The following RNGTT variants were observed in gnomAD, a reference collection of about 807,000 sequenced individuals.
RNGTT encodes RNA guanylyltransferase and 5'-phosphatase, also known as mRNA-capping enzyme.
A neutral mutation model predicts 79.3 loss-of-function variants in RNGTT; 33 were observed. The observed-to-expected ratio is 0.42, with a 90% CI of 0.32 to 0.56. RNGTT has a LOEUF of 0.56. Ranked by LOEUF, RNGTT falls within the 20% of genes least tolerant of loss-of-function variation. The pLI, the probability that RNGTT is intolerant of heterozygous loss-of-function variation, is 0.17. For synonymous variants in RNGTT, 222 were observed against 235.9 expected (o/e 0.94, Z 0.54); for missense variants, 497 against 739.1 (o/e 0.67, Z 3.80).
intron 14 of RNGTT, among the ~76,000 whole-genome samples, chr6:88,628,301 A>G (rs1161957015): frequency 6.6e-6 from 1 of 152,138 alleles, no homozygotes; most frequent in Non-Finnish European, 1.5e-5. Context: ...TAAAACCCAA[A>G]AACACCACAA....
At chr6:88,884,046 G>A (rs546265831) in intron 8 of RNGTT, among the ~76,000 whole-genome samples, 1 of 152,276 alleles carries the variant, frequency 6.6e-6, no homozygotes, top group African/African-American at 2.4e-5. Context: ...AACTGCCTGT[G>A]GGAATACAAT....
intron 11 of RNGTT, among the ~76,000 whole-genome samples, chr6:88,812,001 G>T (rs1233013325): frequency 6.6e-6 from 1 of 152,054 alleles, no homozygotes; most frequent in African/African-American, 2.4e-5. Flanking sequence ...TTCTAGTTCA[G>T]GTTAGGATTA....
chr6:88,804,678 A>G (rs1335682199), intron 11 of RNGTT, among the ~76,000 whole-genome samples: 1 of 152,144 alleles, frequency 6.6e-6, no homozygotes, highest in African/African-American at 2.4e-5. Flanking sequence ...TAATGTGTTT[A>G]TTAAATTAGA....
chr6:88,680,457 A>G (rs535089986), intron 13 of RNGTT, among the ~76,000 whole-genome samples: 1 of 152,204 alleles, frequency 6.6e-6, no homozygotes, highest in South Asian at 2.1e-4. Flanking sequence ...ATAAGAGCCT[A>G]CAGGCCAGGC....
chr6:88,930,400 T>A (rs566829119), intron 2 of RNGTT, among the ~76,000 whole-genome samples: 1 of 152,038 alleles, frequency 6.6e-6, no homozygotes, highest in African/African-American at 2.4e-5. Context: ...CCAGACACAG[T>A]GGCTCACGCC....
At chr6:88,631,645 A>G (rs1285720094) in intron 14 of RNGTT, among the ~76,000 whole-genome samples, 4 of 150,228 alleles carry the variant, frequency 2.7e-5, no homozygotes, top group East Asian at 1.9e-4. Context: ...TCTCAACTCT[A>G]CATTTTTTTT....
rs183762384 is a variant in RNGTT, at chr6:88,629,963, A to G, written c.1507-15568T>C. On this transcript the variant is annotated intron_variant, in intron 14 of 15. Coordinates refer to ENST00000369485, the MANE Select transcript of RNGTT (RefSeq NM_003800.5). Reference sequence around the variant, plus strand: ...ATTAAGTCAGCTCAACTCCCTGACTATAAGAAATCACCATGTGAGTCTTTG... The same window carrying G: ...ATTAAGTCAGCTCAACTCCCTGACTGTAAGAAATCACCATGTGAGTCTTTG... Among the ~76,000 whole-genome samples, 531 of 152,264 alleles carry G rather than the reference A, an allele frequency of 3.5e-3. 3 individuals are homozygous for G. The highest frequency in any genetic ancestry group is 0.012 in the African/African-American group (502 of 41,570).
intron 13 of RNGTT, among the ~76,000 whole-genome samples, chr6:88,752,668 G>A (rs1777878640): frequency 6.6e-6 from 1 of 152,012 alleles, no homozygotes; most frequent in Non-Finnish European, 1.5e-5. Context: ...AGACAAATAT[G>A]TTTTTAGAAG....
chr6:88,654,111 C>T (rs1487767155), intron 14 of RNGTT, among the ~76,000 whole-genome samples: 1 of 152,184 alleles, frequency 6.6e-6, no homozygotes, highest in African/African-American at 2.4e-5. Flanking sequence ...TTGCTCGACA[C>T]TCAGCAGTAA....
At chr6:88,732,335 G>T (rs779618890) in intron 13 of RNGTT, among the ~76,000 whole-genome samples, 20 of 152,140 alleles carry the variant, frequency 1.3e-4, no homozygotes, top group Non-Finnish European at 2.4e-4. Flanking sequence ...TGAGATCCCA[G>T]TTTACACCCA....
intron 12 of RNGTT, among the ~76,000 whole-genome samples, chr6:88,781,705 TAA>T (rs1021317952): frequency 7.2e-5 from 11 of 152,158 alleles, no homozygotes; most frequent in African/African-American, 2.7e-4. Flanking sequence ...ATTAGTACCC[TAA>T]AGGCAGCCTA....
intron 13 of RNGTT, among the ~76,000 whole-genome samples, chr6:88,718,492 G>A (rs1015862212): frequency 5.9e-5 from 9 of 151,816 alleles, no homozygotes; most frequent in African/African-American, 2.2e-4. Context: ...AATAGATGGG[G>A]GCTGACAAAA....
At chr6:88,925,009 C>T (rs1397119538) in intron 4 of RNGTT, among the ~76,000 whole-genome samples, 4 of 152,066 alleles carry the variant, frequency 2.6e-5, no homozygotes, top group Non-Finnish European at 4.4e-5. Flanking sequence ...TGGTGAGCCA[C>T]TATACCCACC....
At chr6:88,860,127 C>T (rs990784811) in intron 8 of RNGTT, among the ~76,000 whole-genome samples, 11 of 152,084 alleles carry the variant, frequency 7.2e-5, no homozygotes, top group Non-Finnish European at 1.0e-4. Flanking sequence ...ACAGTGACTA[C>T]GACAGTAGTA....
intron 1 of RNGTT, among the ~76,000 whole-genome samples, chr6:88,959,104 A>G (rs1785529570): frequency 2.0e-5 from 3 of 152,208 alleles, no homozygotes. Context: ...GAAGTAACTC[A>G]GGAATGGAAA....
At chr6:88,869,489 C>T (rs994099291) in intron 8 of RNGTT, among the ~76,000 whole-genome samples, 2 of 151,994 alleles carry the variant, frequency 1.3e-5, no homozygotes, top group Non-Finnish European at 2.9e-5. Context: ...CTTTGTGGTT[C>T]TTTTATAAGT....
chr6:88,677,376 T>TC (rs1024590620), intron 14 of RNGTT, among the ~76,000 whole-genome samples: 9 of 152,164 alleles, frequency 5.9e-5, no homozygotes, highest in African/African-American at 2.2e-4. Context: ...ATTATCTTGA[T>TC]TGCAGTGATG....
intron 14 of RNGTT, among the ~76,000 whole-genome samples, chr6:88,669,289 C>T (rs897832929): frequency 1.3e-5 from 2 of 152,190 alleles, no homozygotes; most frequent in African/African-American, 4.8e-5. Flanking sequence ...AAATATAGCC[C>T]ATTCCCTCAA....
At chr6:88,689,578 G>C (rs147871931) in intron 13 of RNGTT, among the ~76,000 whole-genome samples, 3,031 of 142,552 alleles carry the variant, frequency 0.021, 119 homozygotes, top group African/African-American at 0.077. Context: ...TGGGGCAACA[G>C]AGTGAGACTC....
Sources: gnomAD v4.1 joint callset for allele counts (sites outside exome capture counted in the v4.1 genomes callset) on GRCh38, gnomAD v4.1.1 for gene constraint, MANE v1.5 for transcripts, NCBI Gene and HGNC (gene_info 2026-07-23, HGNC 2026-07-21) for gene names.